CDH2: variants seen among roughly 807,000 people sequenced by gnomAD.
CDH2 encodes cadherin 2.
In CDH2, 17 loss-of-function variants were observed where a neutral mutation model predicts 92.0. The ratio of observed to expected loss-of-function variants is 0.18; its 90% CI spans 0.13 to 0.28. The LOEUF (loss-of-function observed/expected upper bound fraction) is 0.28. Among genes scored for constraint, CDH2 ranks in the 10% least tolerant of loss-of-function variants. CDH2 has a pLI of 1.00. For missense variants in CDH2, 862 were observed against 1,133.1 expected (o/e 0.76, Z 3.44); for synonymous variants, 419 against 415.9 (o/e 1.01, Z -0.09).
intron 14 of CDH2, among the ~76,000 whole-genome samples, chr18:27,978,369 C>G (rs370792944): frequency 6.6e-6 from 1 of 152,012 alleles, no homozygotes; most frequent in Non-Finnish European, 1.5e-5. Flanking sequence ...CAGGTAGTAC[C>G]GCATAGAACA....
intron 2 of CDH2, among the ~76,000 whole-genome samples, chr18:28,126,952 T>C (rs1191752492): frequency 1.3e-5 from 2 of 152,084 alleles, no homozygotes; most frequent in African/African-American, 4.8e-5. Context: ...GACCCTAGAA[T>C]GTCCAGAGGG....
chr18:28,027,674 T>C (rs970560801), intron 2 of CDH2, among the ~76,000 whole-genome samples: 1 of 152,144 alleles, frequency 6.6e-6, no homozygotes, highest in Non-Finnish European at 1.5e-5. Context: ...ATTATTGTGT[T>C]CTCCCTTGTA....
At chr18:28,127,599 C>G (rs887637660) in intron 2 of CDH2, among the ~76,000 whole-genome samples, 1 of 151,922 alleles carries the variant, frequency 6.6e-6, no homozygotes, top group Non-Finnish European at 1.5e-5. Context: ...AACTGAGCAC[C>G]AAGGCTGATT....
At chr18:28,067,592 C>T (rs1050619076) in intron 2 of CDH2, among the ~76,000 whole-genome samples, 2 of 152,104 alleles carry the variant, frequency 1.3e-5, no homozygotes, top group Non-Finnish European at 2.9e-5. Context: ...AGTAATATTC[C>T]ATTAGATGGA....
intron 2 of CDH2, among the ~76,000 whole-genome samples, chr18:28,044,850 C>CATGTGTGTGT (rs146861256): frequency 6.7e-6 from 1 of 148,394 alleles, no homozygotes. Flanking sequence ...TATATAACAT[C>CATGTGTGTGT]GTGTGTGTGT....
intron 7 of CDH2, among the ~76,000 whole-genome samples, chr18:27,994,968 G>A (rs1423205837): frequency 3.9e-5 from 6 of 152,166 alleles, no homozygotes; most frequent in African/African-American, 1.4e-4. Flanking sequence ...AAATAATGTT[G>A]GTTGAGTCAT....
chr18:28,007,195 C>T (rs890558118), intron 5 of CDH2, among the ~76,000 whole-genome samples: 42 of 119,140 alleles, frequency 3.5e-4, no homozygotes, highest in African/African-American at 1.3e-3. Flanking sequence ...TATATATATA[C>T]GAGTATATAC....
chr18:28,012,725 C>A (rs1283895880), intron 3 of CDH2, among the ~76,000 whole-genome samples: 2 of 152,158 alleles, frequency 1.3e-5, no homozygotes, highest in Non-Finnish European at 2.9e-5. Flanking sequence ...TACCCAATGA[C>A]ATGACTTCCC....
chr18:28,045,183 T>C (rs1396504139), intron 2 of CDH2, among the ~76,000 whole-genome samples: 1 of 152,170 alleles, frequency 6.6e-6, no homozygotes, highest in African/African-American at 2.4e-5. Flanking sequence ...CTCTAGACTT[T>C]ACCTCTAAGG....
chr18:27,990,118 C>A lies in CDH2; in HGVS notation c.1577G>T (p.Arg526Leu). 6.2e-7 allele frequency: 1 copy of A among 1,613,958 alleles called. No individual in the cohort carries two copies. The highest frequency in any genetic ancestry group is 8.5e-7 in the Non-Finnish European group (1 of 1,179,852). The change falls in exon 10 of 16, where the codon CGA becomes CTA. Residue 526 changes from arginine to leucine, a missense_variant. By Grantham distance (102) the Arg-to-Leu change is moderately radical. Coordinates refer to ENST00000269141, the MANE Select transcript of CDH2 (RefSeq NM_001792.5). ...LTTFTAQDPD[R>L]YMQQNIRYTK... ...ATACCTAATATTTTGCTGCATATAT[C>A]GATCTGGGTCCTGAGCAGTGAATGT...
At chr18:27,991,809 TTAGCACATCTTTC>T (rs2012425784) in intron 9 of CDH2, among the ~76,000 whole-genome samples, 1 of 152,212 alleles carries the variant, frequency 6.6e-6, no homozygotes, top group African/African-American at 2.4e-5. Flanking sequence ...AACTGGCACT[TTAGCACATCTTTC>T]TATGTAAGGT....
chr18:28,108,984 C>T (rs1236084943), intron 2 of CDH2, among the ~76,000 whole-genome samples: 1 of 152,072 alleles, frequency 6.6e-6, no homozygotes, highest in Non-Finnish European at 1.5e-5. Context: ...ACATTAAATA[C>T]TTTGACAACA....
intron 2 of CDH2, among the ~76,000 whole-genome samples, chr18:28,073,033 C>T (rs975922692): frequency 4.6e-5 from 7 of 151,946 alleles, no homozygotes; most frequent in African/African-American, 1.5e-4. Context: ...ATTACATAGA[C>T]GGTGGCACAG....
At position 28,161,151 on chromosome 18, in the gene CDH2, T is replaced by C. The variant is rs536479976; in HGVS notation, c.61-13367A>G. Among the ~76,000 whole-genome samples the C allele has an allele frequency of 1.6e-4, 24 of 152,308 alleles. No individual in the cohort carries two copies. In the East Asian group the frequency reaches 2.9e-3, roughly 18 times the overall value. On this transcript the variant is annotated intron_variant, in intron 1 of 15. Coordinates refer to ENST00000269141, the MANE Select transcript of CDH2 (RefSeq NM_001792.5). ...TCCATCCCTCACATACCACAAGCTC[T>C]CTACTGTGTTCTTTGGAACACTGAG...
rs369458635 is a variant in CDH2, at chr18:28,043,495, AATAT to A, written c.173-29590_173-29587del. 7.2e-3 allele frequency among the ~76,000 whole-genome samples: 631 copies of A among 87,382 alleles called. 14 individuals carry two copies. The highest frequency in any genetic ancestry group is 0.067 in the South Asian group (202 of 3,024). The allele number at this position is 87,382 out of a possible 152,430, so 57.3% of individuals were successfully genotyped here. A position where few individuals can be genotyped will look rare whatever the true frequency, so the allele number is the denominator to read the frequency against. The stretch of plus-strand genomic sequence containing the variant: ...ATATATATATATATATATATATATA[AATAT>A]ATATATATATATATATAAACAGGTT... On this transcript the variant is annotated intron_variant, in intron 2 of 15. Coordinates refer to ENST00000269141, the MANE Select transcript of CDH2 (RefSeq NM_001792.5).
rs957126594 is a variant in CDH2 at position 27,952,339 on chromosome 18, A to T, written c.2535T>A (p.Asn845Lys). 2.5e-6 allele frequency: 4 copies of T among 1,613,528 alleles called. No homozygotes were observed. Among genetic ancestry groups the T allele is most frequent in the Non-Finnish European group, 3.4e-6 (4 of 1,179,638 alleles). The change falls in exon 16 of 16, where the codon AAT becomes AAA. Residue 845 changes from asparagine to lysine, a missense_variant. By Grantham distance (94) the Asn-to-Lys change is moderately conservative. This residue lies in a region of CDH2 where 114 missense variants were observed against 144.8 expected (regional missense o/e 0.79). Coordinates refer to ENST00000269141, the MANE Select transcript of CDH2 (RefSeq NM_001792.5). ...AGTCATATGGTGGAGCTGTGGGGTC[A>T]TTGTCAGCCGCTTTAAGGCCCTGCA... is the stretch of plus-strand genomic sequence containing the variant. ...FINEGLKAADNDPTAPPYDSL... is the reference protein window; with the variant it reads ...FINEGLKAADKDPTAPPYDSL...
intron 1 of CDH2, among the ~76,000 whole-genome samples, chr18:28,156,507 T>A (rs4068913): frequency 5.7e-5 from 1 of 17,442 alleles, no homozygotes. Context: ...TTCCCAGGTA[T>A]AGAATGTCAC....
In CDH2 at chr18:28,061,179, A is replaced by ACTT. The variant is rs562764629; in HGVS notation, c.173-47273_173-47271dup. Among the ~76,000 whole-genome samples the ACTT allele has an allele frequency of 7.9e-5, 12 of 152,232 alleles. No homozygotes were observed. The South Asian group carries it at 1.5e-3, about 18-fold the overall frequency. ...TACCAGCAACATGATTTACATTGGG[A>ACTT]CTTATATATTGTACTTTTACTAGTT... On this transcript the variant is annotated intron_variant, in intron 2 of 15. Coordinates refer to ENST00000269141, the MANE Select transcript of CDH2 (RefSeq NM_001792.5).
At chr18:28,057,567 C>T (rs1324984780) in intron 2 of CDH2, among the ~76,000 whole-genome samples, 1 of 151,346 alleles carries the variant, frequency 6.6e-6, no homozygotes, top group African/African-American at 2.4e-5. Context: ...ACTGGGTAGT[C>T]GAGGCAGGAG....
Sources: allele counts gnomAD v4.1 joint callset (sites outside exome capture counted in the v4.1 genomes callset), GRCh38; gene constraint gnomAD v4.1.1; regional missense constraint gnomAD v4.1.1; transcripts MANE v1.5; gene names NCBI Gene and HGNC (gene_info 2026-07-23, HGNC 2026-07-21).